The following UNC79 variants were observed in gnomAD, a reference collection of about 807,000 sequenced individuals.
UNC79 encodes unc-79 subunit of NALCN channel complex.
Under a neutral mutation model 283.1 loss-of-function variants are expected in UNC79, and 37 were observed. The ratio of observed to expected loss-of-function variants is 0.13; its 90% CI spans 0.10 to 0.17. UNC79 has a LOEUF of 0.17. Ranked by LOEUF, UNC79 falls within the 10% of genes least tolerant of loss-of-function variation. The pLI is 1.00. For missense variants in UNC79, 2,272 were observed against 3,211.1 expected, an observed-to-expected ratio of 0.71 and a Z score of 7.07; for synonymous variants, 1,107 against 1,200.2, an observed-to-expected ratio of 0.92 and a Z score of 1.61.
At chr14:93,695,890 C>CAATAAAAAAAAAAAAAAAAA (rs2075067033) in intron 47 of UNC79, among the ~76,000 whole-genome samples, 1 of 39,440 alleles carries the variant, frequency 2.5e-5, no homozygotes, top group Non-Finnish European at 4.7e-5. Flanking sequence ...GACTTTGTCT[C>CAATAAAAAAAAAAAAAAAAA]AAAAAAAAAA....
intron 44 of UNC79, chr14:93,689,096 G>T: frequency 2.2e-6 from 1 of 460,258 alleles, no homozygotes; most frequent in African/African-American, 2.0e-5. Flanking sequence ...AAAATTTTGA[G>T]CTTAGAATTA....
chr14:93,572,881 G>A lies in UNC79; in HGVS notation c.2070+65G>A, dbSNP rs150750596. The A allele has an allele frequency of 2.3e-5, 36 of 1,574,820 alleles. No individual in the cohort carries two copies. The Middle Eastern group carries it at 5.5e-4, about 24-fold the overall frequency. On this transcript the variant is annotated intron_variant, in intron 16 of 48. Transcript: ENST00000555664. ...CTTAGCTTATAAGCTTTAGATCCCT[G>A]GATCGAGAGAGTGGGAGTTATAGCA...
At chr14:93,511,127 T>C (rs970096614) in intron 7 of UNC79, among the ~76,000 whole-genome samples, 1 of 152,106 alleles carries the variant, frequency 6.6e-6, no homozygotes, top group African/African-American at 2.4e-5. Flanking sequence ...CCACGCACTT[T>C]TAGACAACCA....
chr14:93,656,711 A>G (rs1442984099), intron 38 of UNC79, among the ~76,000 whole-genome samples: 3 of 152,108 alleles, frequency 2.0e-5, no homozygotes, highest in Non-Finnish European at 4.4e-5. Context: ...AATGGCATGT[A>G]CCTTTTGTCC....
intron 47 of UNC79, among the ~76,000 whole-genome samples, chr14:93,695,955 TC>T (rs1216533680): frequency 6.8e-6 from 1 of 146,754 alleles, no homozygotes; most frequent in Non-Finnish European, 1.5e-5. Flanking sequence ...CCCTTTATAA[TC>T]CTTCAGTTGG....
At chr14:93,671,542 G>A (rs2072861424) in intron 40 of UNC79, among the ~76,000 whole-genome samples, 1 of 152,150 alleles carries the variant, frequency 6.6e-6, no homozygotes, top group African/African-American at 2.4e-5. Flanking sequence ...GGAGGCCGAG[G>A]CAGGTGGATC....
intron 7 of UNC79, among the ~76,000 whole-genome samples, chr14:93,523,475 G>A (rs892980178): frequency 1.3e-5 from 2 of 152,040 alleles, no homozygotes; most frequent in African/African-American, 2.4e-5. Context: ...AATTTAAAAC[G>A]CTTACTGGTG....
chr14:93,666,056 GGTGTGTGTTTGTGT>G (rs1250178876), intron 40 of UNC79, among the ~76,000 whole-genome samples: 2 of 81,522 alleles, frequency 2.5e-5, no homozygotes, highest in African/African-American at 1.2e-4. Flanking sequence ...CTCTGTAAGG[GGTGTGTGTTTGTGT>G]GTGTGTGTGT....
chr14:93,382,054 C>A (rs1359049305), intron 1 of UNC79, among the ~76,000 whole-genome samples: 3 of 152,130 alleles, frequency 2.0e-5, no homozygotes, highest in African/African-American at 7.2e-5. Flanking sequence ...TTAAAAATTC[C>A]CTGAACTGGA....
chr14:93,357,854 GATATAT>G lies in UNC79; in HGVS notation c.-351+24336_-351+24341del. Among the ~76,000 whole-genome samples the G allele has an allele frequency of 8.5e-5, 4 of 47,294 alleles. 1 individual carries two copies. The highest frequency in any genetic ancestry group is 2.6e-4 in the African/African-American group (4 of 15,294). 31.0% of individuals were successfully genotyped at this position (47,294 alleles called of 152,430 possible). A position where few individuals can be genotyped will look rare whatever the true frequency, so the allele number is the denominator to read the frequency against. On this transcript the variant is annotated intron_variant, in intron 1 of 49. Coordinates refer to the UNC79 transcript ENST00000256339. The stretch of plus-strand genomic sequence containing the variant: ...GGATATGTATATATATGGATATATG[GATATAT>G]ATATGGATATATGGATATATATATG...
intron 35 of UNC79, 42 bp downstream of exon 38, chr14:93,646,688 C>A: frequency 6.2e-7 from 1 of 1,606,086 alleles, no homozygotes; most frequent in Non-Finnish European, 8.5e-7. Flanking sequence ...TTCTTTTCTC[C>A]TCTGTGCATG....
rs1312208743 is a variant in UNC79 at position 93,487,573 on chromosome 14, A to G, written c.620-90A>G. 7 of 826,116 alleles carry G rather than the reference A, an allele frequency of 8.5e-6. No individual in the cohort carries two copies. The South Asian group carries it at 1.1e-4, about 13-fold the overall frequency. The allele number at this position is 826,116 out of a possible 1,614,324, so 51.2% of individuals were successfully genotyped here. On this transcript the variant is annotated intron_variant, in intron 4 of 48. Transcript: ENST00000555664. ...CTTTATTGGAGCTATTTTTTTTTTT[A>G]AAGTTCCTTCTTATCTCTCATGCTC...
rs1054817588 is a variant in UNC79, at chr14:93,461,989, C to T, written c.23-5682C>T. 2.6e-4 allele frequency among the ~76,000 whole-genome samples: 34 copies of T among 128,714 alleles called. No homozygotes were observed. The Admixed American group carries it at 2.6e-3, about 10-fold the overall frequency. The allele number at this position is 128,714 out of a possible 152,430, so 84.4% of individuals were successfully genotyped here. A position where few individuals can be genotyped will look rare whatever the true frequency, so the allele number is the denominator to read the frequency against. ...AAAAAAAAAAAAGAAAGAAAAGAAA[C>T]ACAAAAAAACAAAAACCGGTGTTAA... On this transcript the variant is annotated intron_variant, in intron 1 of 48. Transcript: ENST00000555664.
intron 1 of UNC79, among the ~76,000 whole-genome samples, chr14:93,394,242 T>C (rs530969187): frequency 6.6e-6 from 1 of 152,232 alleles, no homozygotes; most frequent in Admixed American, 6.5e-5. Flanking sequence ...ATAATGATAC[T>C]TAACATTATT....
At chr14:93,341,992 A>C (rs543670529) in intron 1 of UNC79, among the ~76,000 whole-genome samples, 1 of 152,180 alleles carries the variant, frequency 6.6e-6, no homozygotes, top group Non-Finnish European at 1.5e-5. Flanking sequence ...TGGCTTTTCC[A>C]GGTGCATGGT....
chr14:93,589,390 G>T (rs1410053870), intron 22 of UNC79, among the ~76,000 whole-genome samples: 3 of 152,064 alleles, frequency 2.0e-5, no homozygotes, highest in African/African-American at 7.2e-5. Flanking sequence ...TTTGGGAGAA[G>T]AGTATGGAAA....
chr14:93,580,089 C>T (rs2063701574), intron 18 of UNC79, 60 bp from the exon 19 acceptor site: 2 of 1,459,036 alleles, frequency 1.4e-6, no homozygotes, highest in Non-Finnish European at 1.9e-6. Flanking sequence ...GGACCAAACT[C>T]CTTCTTCTTC....
chr14:93,384,937 C>T (rs530575143), intron 1 of UNC79, among the ~76,000 whole-genome samples: 99 of 152,190 alleles, frequency 6.5e-4, no homozygotes, highest in Non-Finnish European at 1.2e-3. Context: ...ATTGAAGAGA[C>T]TGCCTTTTCC....
intron 1 of UNC79, among the ~76,000 whole-genome samples, chr14:93,345,967 C>T (rs570524463): frequency 1.5e-4 from 23 of 150,052 alleles, no homozygotes; most frequent in Non-Finnish European, 3.0e-4. Flanking sequence ...TTATATTTAT[C>T]GGCTCACTAG....
Sources: allele counts gnomAD v4.1 joint callset (sites outside exome capture counted in the v4.1 genomes callset), GRCh38; gene constraint gnomAD v4.1.1; transcripts MANE v1.5; gene names NCBI Gene and HGNC (gene_info 2026-07-23, HGNC 2026-07-21).